DAPK2: variants seen among roughly 807,000 people sequenced by gnomAD.
DAPK2 encodes death-associated protein kinase 2.
In DAPK2, 35 loss-of-function variants were observed where a neutral mutation model predicts 44.1. That is an observed-to-expected ratio of 0.79 (90% CI 0.61 to 1.05). The LOEUF (loss-of-function observed/expected upper bound fraction) is 1.05, where lower values mean the gene tolerates loss of function less well. Among genes scored for constraint, DAPK2 ranks in the 50% least tolerant of loss-of-function variants. DAPK2 has a pLI of 0.00. For missense variants in DAPK2, 453 were observed against 483.2 expected, an observed-to-expected ratio of 0.94 and a Z score of 0.59; for synonymous variants, 174 against 182.6, an observed-to-expected ratio of 0.95 and a Z score of 0.38.
intron 8 of DAPK2, among the ~76,000 whole-genome samples, chr15:63,914,843 C>A (rs1052393673): frequency 2.0e-5 from 3 of 152,170 alleles, no homozygotes; most frequent in Non-Finnish European, 4.4e-5. Flanking sequence ...TCCTTGACCA[C>A]CCTATATAAA....
At chr15:63,927,064 C>G (rs539661517) in intron 6 of DAPK2, among the ~76,000 whole-genome samples, 3 of 152,270 alleles carry the variant, frequency 2.0e-5, no homozygotes, top group East Asian at 1.9e-4. Flanking sequence ...AAGCTAGAAC[C>G]CCTTGTGTAG....
intron 1 of DAPK2, among the ~76,000 whole-genome samples, chr15:64,036,307 G>T (rs371049769): frequency 1.9e-5 from 1 of 53,160 alleles, no homozygotes; most frequent in Admixed American, 2.8e-4. Context: ...GTGTGTGTGT[G>T]TGTATATATA....
At chr15:64,043,465 G>A (rs74245421), upstream of DAPK2, among the ~76,000 whole-genome samples, 3 of 152,198 alleles carry the variant, frequency 2.0e-5, no homozygotes, top group East Asian at 3.8e-4. Flanking sequence ...GCAACAACAT[G>A]GATGAATCTC....
intron 8 of DAPK2, among the ~76,000 whole-genome samples, chr15:63,913,117 G>C (rs1359704692): frequency 6.6e-6 from 1 of 152,120 alleles, no homozygotes; most frequent in Non-Finnish European, 1.5e-5. Flanking sequence ...GCTACCTGCT[G>C]TATGATTCAA....
At chr15:63,965,011 G>A (rs1452931166) in intron 3 of DAPK2, among the ~76,000 whole-genome samples, 7 of 152,072 alleles carry the variant, frequency 4.6e-5, no homozygotes, top group South Asian at 2.1e-4. Context: ...GCTTGTGGAC[G>A]TTTATTGATG....
intron 3 of DAPK2, among the ~76,000 whole-genome samples, chr15:63,964,227 C>G (rs897186439): frequency 6.6e-6 from 1 of 152,164 alleles, no homozygotes; most frequent in Non-Finnish European, 1.5e-5. Context: ...ATATACTATT[C>G]TAGAATAAAG....
chr15:63,956,780 G>A (rs1460292740), intron 3 of DAPK2, among the ~76,000 whole-genome samples: 2 of 151,886 alleles, frequency 1.3e-5, no homozygotes, highest in African/African-American at 4.8e-5. Context: ...GTAGAGATGG[G>A]GTTTCACCAT....
Position 64,020,998 on chromosome 15 carries a change from C to T in DAPK2, c.92+19172G>A, listed in dbSNP as rs535366396. 1.5e-4 allele frequency among the ~76,000 whole-genome samples: 23 copies of T among 152,304 alleles called. No individual in the cohort carries two copies. The highest frequency in any genetic ancestry group is 1.0e-3 in the Admixed American group (16 of 15,298). ...TGAAGCAAGTTCTTTACTCCAAGTC[C>T]GTGGCGATGGGCCAGATGCCACAGA... On this transcript the variant is annotated intron_variant, in intron 1 of 10. Transcript: ENST00000261891. This position sits in a 1 kb window ranked among gnomAD's most constrained non-coding sequence, Gnocchi z 4.5.
At chr15:63,940,809 G>A (rs994522630) in intron 3 of DAPK2, among the ~76,000 whole-genome samples, 4 of 152,144 alleles carry the variant, frequency 2.6e-5, no homozygotes, top group African/African-American at 9.7e-5. Flanking sequence ...AAACATTTAT[G>A]CTAAGGGAAA....
At chr15:64,006,192 T>C (rs1286275377) in intron 1 of DAPK2, among the ~76,000 whole-genome samples, 1 of 152,150 alleles carries the variant, frequency 6.6e-6, no homozygotes, top group Non-Finnish European at 1.5e-5. Context: ...CTCACCACAC[T>C]GGTCCATCCA....
chr15:63,948,270 CAAAAAAAAAAAAA>C (rs3056984), intron 3 of DAPK2, among the ~76,000 whole-genome samples: 12 of 51,916 alleles, frequency 2.3e-4, no homozygotes, highest in Admixed American at 9.6e-4. Context: ...GACTCCATCT[CAAAAAAAAAAAAA>C]AAAAAAAAAA....
At chr15:63,963,439 A>T (rs772357645) in intron 3 of DAPK2, among the ~76,000 whole-genome samples, 8 of 152,154 alleles carry the variant, frequency 5.3e-5, no homozygotes, top group Admixed American at 6.5e-5. Context: ...TACAGACTGG[A>T]GCTGTTCCTA....
At chr15:64,036,297 G>A (rs1248208314) in intron 1 of DAPK2, among the ~76,000 whole-genome samples, 26 of 55,810 alleles carry the variant, frequency 4.7e-4, no homozygotes, top group Middle Eastern at 0.012. Flanking sequence ...GTGTGTGTGT[G>A]TGTGTGTGTG....
chr15:63,978,572 G>A (rs1216700958), intron 2 of DAPK2, among the ~76,000 whole-genome samples: 3 of 152,140 alleles, frequency 2.0e-5, no homozygotes, highest in Non-Finnish European at 4.4e-5. Context: ...AACTCAGAAA[G>A]GTGGGAGGCT....
intron 1 of DAPK2, among the ~76,000 whole-genome samples, chr15:63,986,087 G>A (rs1357756340): frequency 2.0e-5 from 3 of 152,210 alleles, no homozygotes; most frequent in Non-Finnish European, 2.9e-5. Context: ...CTGTAGAGGG[G>A]AGCCTCAGAG....
chr15:63,975,685 G>A (rs775270997), intron 2 of DAPK2, among the ~76,000 whole-genome samples: 4 of 151,346 alleles, frequency 2.6e-5, no homozygotes, highest in Admixed American at 6.6e-5. Flanking sequence ...TGCAACCTCC[G>A]CCTCCCAGGT....
intron 3 of DAPK2, among the ~76,000 whole-genome samples, chr15:63,965,181 C>A (rs1214685460): frequency 6.6e-6 from 1 of 152,224 alleles, no homozygotes; most frequent in Non-Finnish European, 1.5e-5. Flanking sequence ...ACACCCCAAG[C>A]CCAGTAATGC....
intron 1 of DAPK2, among the ~76,000 whole-genome samples, chr15:64,019,600 A>T (rs1291455850): frequency 2.0e-5 from 3 of 152,254 alleles, no homozygotes; most frequent in Non-Finnish European, 4.4e-5. Context: ...AGTATATGAA[A>T]GTACAAATCT....
intron 3 of DAPK2, among the ~76,000 whole-genome samples, chr15:63,959,091 T>TAGGCATTTTA (rs1254904757): frequency 1.3e-5 from 2 of 152,248 alleles, no homozygotes; most frequent in African/African-American, 4.8e-5. Flanking sequence ...GTTGGATTCC[T>TAGGCATTTTA]AGGCATTTTA....
Sources: allele counts gnomAD v4.1 joint callset (sites outside exome capture counted in the v4.1 genomes callset), GRCh38; gene constraint gnomAD v4.1.1; non-coding constraint Gnocchi (gnomAD v3.1); transcripts MANE v1.5; gene names NCBI Gene and HGNC (gene_info 2026-07-23, HGNC 2026-07-21).